Variants in ZNF442 observed in about 807,000 individuals in gnomAD.
The protein encoded by ZNF442 is zinc finger protein 442.
In ZNF442, 45 loss-of-function variants were observed where a neutral mutation model predicts 57.0. That is an observed-to-expected ratio of 0.79 (90% CI 0.62 to 1.01). ZNF442 has a LOEUF of 1.01. Ranked by LOEUF, ZNF442 falls within the 50% of genes least tolerant of loss-of-function variation. The pLI, the probability that ZNF442 is intolerant of heterozygous loss-of-function variation, is 0.00. For missense variants in ZNF442, 690 were observed against 756.5 expected (o/e 0.91, Z 1.03); for synonymous variants, 213 against 241.8 (o/e 0.88, Z 1.10).
At chr19:12,362,005 G>A (rs1969436989) in intron 3 of ZNF442, among the ~76,000 whole-genome samples, 1 of 152,224 alleles carries the variant, frequency 6.6e-6, no homozygotes, top group African/African-American at 2.4e-5. Context: ...TGCAGACGGA[G>A]TCTCGTTCAC....
chr19:12,356,892 C>T (rs1006697975), intron 3 of ZNF442, among the ~76,000 whole-genome samples: 2 of 152,136 alleles, frequency 1.3e-5, no homozygotes, highest in African/African-American at 2.4e-5. Flanking sequence ...CCATAATCTA[C>T]AATACAACAA....
intron 3 of ZNF442, among the ~76,000 whole-genome samples, chr19:12,362,493 C>T (rs1258314569): frequency 6.6e-6 from 1 of 151,590 alleles, no homozygotes; most frequent in East Asian, 2.0e-4. Context: ...GCAGCCGCCC[C>T]GTCTGGGAAG....
chr19:12,364,156 A>G (rs541390646), intron 2 of ZNF442, among the ~76,000 whole-genome samples: 1 of 152,312 alleles, frequency 6.6e-6, no homozygotes, highest in East Asian at 1.9e-4. Context: ...CTGTAATCCC[A>G]GCACTTTGGG....
chr19:12,373,054 C>G, the ZNF442 span, among the ~76,000 whole-genome samples: 4,226 of 152,190 alleles, frequency 0.028, 80 homozygotes, highest in Non-Finnish European at 0.045. Flanking sequence ...TTACAGGTGT[C>G]AGCCACCGCA....
At position 12,358,422 on chromosome 19, in the gene ZNF442, C is replaced by T. The variant is rs114908027; in HGVS notation, c.78+5132G>A. ...AGTATCCCAATGAGTATACACACCA[C>T]GTTTTATTTACCCAATCCTCCACTT... is the stretch of plus-strand genomic sequence containing the variant. On this transcript the variant is annotated intron_variant, in intron 3 of 5. Coordinates refer to ENST00000242804, the MANE Select transcript of ZNF442 (RefSeq NM_030824.3). Among the ~76,000 whole-genome samples, 567 of 152,300 alleles carry T rather than the reference C, an allele frequency of 3.7e-3. 2 individuals carry two copies. The highest frequency in any genetic ancestry group is 0.013 in the African/African-American group (539 of 41,538).
chr19:12,363,051 C>T (rs918553535), intron 3 of ZNF442, among the ~76,000 whole-genome samples: 5 of 148,270 alleles, frequency 3.4e-5, no homozygotes, highest in East Asian at 2.0e-4. Flanking sequence ...CCCAGCTACT[C>T]GGGAGGCTGA....
chr19:12,356,052 T>C (rs901883967), intron 3 of ZNF442, among the ~76,000 whole-genome samples: 1 of 151,544 alleles, frequency 6.6e-6, no homozygotes, highest in Non-Finnish European at 1.5e-5. Flanking sequence ...ATGAGGAGTC[T>C]TCCAAATTCA....
rs907674354 is a variant in ZNF442, at chr19:12,346,824, G to C, written c.*2877C>G. Reference sequence around the variant, plus strand: ...TGGATAAACCTTGAAAACGTTCTAAGTGAAATAAGCCAGACATGGAAGGAC... The same window carrying C: ...TGGATAAACCTTGAAAACGTTCTAACTGAAATAAGCCAGACATGGAAGGAC... On this transcript the variant is annotated 3_prime_UTR_variant, in exon 6 of 6. Transcript: ENST00000242804. The C allele has an allele frequency of 6.6e-6, 1 of 152,170 alleles. No individual in the cohort carries two copies. Among genetic ancestry groups the C allele is most frequent in the African/African-American group, 2.4e-5 (1 of 41,432 alleles). 9.4% of individuals were successfully genotyped at this position (152,170 alleles called of 1,614,324 possible).
chr19:12,357,434 C>T (rs1334578343), intron 3 of ZNF442, among the ~76,000 whole-genome samples: 1 of 148,546 alleles, frequency 6.7e-6, no homozygotes, highest in Non-Finnish European at 1.5e-5. Flanking sequence ...TCACTGCAAC[C>T]TCCACCTCCT....
chr19:12,367,677 A>AT (rs201894391), upstream of ZNF442, among the ~76,000 whole-genome samples: 2,687 of 150,146 alleles, frequency 0.018, 91 homozygotes, highest in African/African-American at 0.064. Context: ...TATTATATAT[A>AT]TTTTTTTGAG....
In ZNF442 at chr19:12,346,013, T is replaced by C. The variant is rs1969125201; in HGVS notation, c.*3688A>G. 1 of 152,120 alleles carries C rather than the reference T, an allele frequency of 6.6e-6. No individual in the cohort carries two copies. The highest frequency in any genetic ancestry group is 1.5e-5 in the Non-Finnish European group (1 of 68,028). 9.4% of individuals were successfully genotyped at this position (152,120 alleles called of 1,614,324 possible). A position where few individuals can be genotyped will look rare whatever the true frequency, so the allele number is the denominator to read the frequency against. On this transcript the variant is annotated 3_prime_UTR_variant, in exon 6 of 6. Coordinates refer to ENST00000242804, the MANE Select transcript of ZNF442 (RefSeq NM_030824.3). ...CACAGACAACCAATAAAAGATAAAC[T>C]GGACTACATCGAAATTAAAAACTTT... is the stretch of plus-strand genomic sequence containing the variant.
At chr19:12,353,258 T>C in intron 3 of ZNF442, 144 bp from the exon 4 acceptor site, 4 of 857,172 alleles carry the variant, frequency 4.7e-6, no homozygotes, top group Non-Finnish European at 6.9e-6. Flanking sequence ...CTGTCTACAA[T>C]CACTTTCTCC....
chr19:12,370,868 G>A (rs1335461060), upstream of ZNF442, among the ~76,000 whole-genome samples: 1 of 151,530 alleles, frequency 6.6e-6, no homozygotes, highest in Admixed American at 6.6e-5. Flanking sequence ...AGCTACTCGG[G>A]AGGCTGAGGC....
In ZNF442 at chr19:12,352,041, C is replaced by A. The variant is rs1237171990; in HGVS notation, c.235G>T (p.Asp79Tyr). Residue 79 changes from aspartate (D) to tyrosine (Y), a missense_variant, in exon 5 of 6, where the codon GAT (aspartate) becomes TAT (tyrosine). Coordinates refer to ENST00000242804, the MANE Select transcript of ZNF442 (RefSeq NM_030824.3). ...GMKWEDTNIEDQHRNPRRSLR... is the reference protein window; with the variant it reads ...GMKWEDTNIEYQHRNPRRSLR... ...CTCCTCCTGGGATTTCTGTGCTGAT[C>A]TTCAATGTTTGTGTCTTCCCATTTC... 2 of 1,613,702 alleles carry A rather than the reference C, an allele frequency of 1.2e-6. No individual in the cohort carries two copies. The highest frequency in any genetic ancestry group is 1.7e-6 in the Non-Finnish European group (2 of 1,179,804).
chr19:12,350,164 G>C lies in ZNF442; in HGVS notation c.1421C>G (p.Ser474Cys). Reference sequence around the variant, plus strand: ...GTGAGTTGTTTCATGATTTTGAAAGGAATAGAAATCAATAAAGGCTTTCCC... The same window carrying C: ...GTGAGTTGTTTCATGATTTTGAAAGCAATAGAAATCAATAAAGGCTTTCCC... ...KCGKAFIDFY[S>C]FQNHETTHTG... The change falls in exon 6 of 6, where the codon TCC (serine) becomes TGC (cysteine). Residue 474 changes from serine to cysteine, a missense_variant. Physicochemically the swap from Ser to Cys is moderately radical, Grantham distance 112. Coordinates refer to ENST00000242804, the MANE Select transcript of ZNF442 (RefSeq NM_030824.3). The C allele has an allele frequency of 1.9e-6, 3 of 1,613,950 alleles. No homozygotes were observed. The highest frequency in any genetic ancestry group is 2.5e-6 in the Non-Finnish European group (3 of 1,179,970).
intron 3 of ZNF442, among the ~76,000 whole-genome samples, chr19:12,356,401 G>A (rs764362292): frequency 5.9e-5 from 9 of 152,144 alleles, no homozygotes; most frequent in Non-Finnish European, 1.3e-4. Context: ...GCTGAGGAGG[G>A]CAGATCACCT....
chr19:12,365,617 T>C lies in ZNF442; in HGVS notation c.-567A>G, dbSNP rs920142705. The C allele has an allele frequency of 2.0e-5, 6 of 303,612 alleles. No homozygotes were observed. The highest frequency in any genetic ancestry group is 1.1e-4 in the Admixed American group (2 of 18,936). The allele number at this position is 303,612 out of a possible 1,614,324, so 18.8% of individuals were successfully genotyped here. ...GACTCAGCGTGACAGTGCCTGCCAC[T>C]GACCTGCCAGGGCTTCTCTCAGCTA... is the stretch of plus-strand genomic sequence containing the variant. On this transcript the variant is annotated 5_prime_UTR_variant, in exon 1 of 6. Transcript: ENST00000242804.
rs540191999 is a variant in ZNF442 at position 12,348,262 on chromosome 19, G to A, written c.*1439C>T. On this transcript the variant is annotated 3_prime_UTR_variant, in exon 6 of 6. Transcript: ENST00000242804. ...GGAGGCTGAGGCAGGAGAATCGCTT[G>A]AATCTGGGAGGTGGAGGTTGCAGTG... 168 of 152,318 alleles carry A rather than the reference G, an allele frequency of 1.1e-3. 1 individual carries two copies. The highest frequency in any genetic ancestry group is 3.8e-3 in the African/African-American group (159 of 41,530). The allele number at this position is 152,318 out of a possible 1,614,324, so 9.4% of individuals were successfully genotyped here.
chr19:12,349,733 G>A lies in ZNF442; in HGVS notation c.1852C>T (p.His618Tyr). The A allele has an allele frequency of 1.9e-6, 3 of 1,612,382 alleles. 1 individual carries two copies. Among genetic ancestry groups the A allele is most frequent in the South Asian group, 2.2e-5 (2 of 90,842 alleles). Residue 618 changes from histidine to tyrosine, a missense_variant, in exon 6 of 6, where the codon CAT becomes TAT. By Grantham distance (83) the His-to-Tyr change is moderately conservative (BLOSUM62 2). Transcript: ENST00000242804. ...ALSSLSSLHR[H>Y]KRTHWRDTL Reference sequence around the variant, plus strand: ...GTATCTCTCCAGTGAGTCCTTTTATGTCTATGCAAGGAACTGAGAGAACTC... The same window carrying A: ...GTATCTCTCCAGTGAGTCCTTTTATATCTATGCAAGGAACTGAGAGAACTC...
Sources: allele counts gnomAD v4.1 joint callset (sites outside exome capture counted in the v4.1 genomes callset), GRCh38; gene constraint gnomAD v4.1.1; transcripts MANE v1.5; gene names NCBI Gene and HGNC (gene_info 2026-07-23, HGNC 2026-07-21).